HERC5: variants seen among roughly 807,000 people sequenced by gnomAD.
HERC5 encodes the protein E3 ISG15--protein ligase HERC5.
HERC5 carries 99 observed loss-of-function variants against 119.6 expected under a neutral mutation model. The ratio of observed to expected loss-of-function variants is 0.83; its 90% CI spans 0.70 to 0.98. The LOEUF (loss-of-function observed/expected upper bound fraction) is 0.98. HERC5 is among the 50% of genes least tolerant of loss of function. The probability of loss-of-function intolerance (pLI) is 0.00; values close to 1 mark genes in which losing one functional copy is unlikely to be tolerated. For missense variants in HERC5, 1,267 were observed against 1,241.3 expected (o/e 1.02, Z -0.31); for synonymous variants, 478 against 445.9 (o/e 1.07, Z -0.91).
rs150378907 is a variant in HERC5, at chr4:88,493,123, G to A, written c.2245G>A (p.Glu749Lys). Residue 749 changes from glutamate (E) to lysine (K), a missense_variant, in exon 17 of 23, where the codon GAA becomes AAA. Physicochemically the swap from Glu to Lys is moderately conservative, Grantham distance 56. Transcript: ENST00000264350. The part of the protein sequence containing the change: ...QPEYGMFMYP[E>K]GASCMWFPVK... Reference sequence around the variant, plus strand: ...GGAATATGGGATGTTCATGTATCCTGAAGGGGCTTCCTGCATGTGGTTTCC... The same window carrying A: ...GGAATATGGGATGTTCATGTATCCTAAAGGGGCTTCCTGCATGTGGTTTCC... 5 of 1,614,020 alleles carry A rather than the reference G, an allele frequency of 3.1e-6. No individual in the cohort carries two copies. The South Asian group carries it at 3.3e-5, about 11-fold the overall frequency.
intron 20 of HERC5, among the ~76,000 whole-genome samples, chr4:88,501,738 A>G (rs1017909934): frequency 3.3e-5 from 5 of 152,234 alleles, no homozygotes; most frequent in African/African-American, 1.2e-4. Flanking sequence ...ATCAAGAAAT[A>G]TAACATTTCC....
chr4:88,457,401 C>T lies in HERC5; in HGVS notation c.132C>T (p.Arg44=), dbSNP rs1315123530. 2.9e-6 allele frequency: 4 copies of T among 1,397,504 alleles called. No individual in the cohort carries two copies. The highest frequency in any genetic ancestry group is 3.7e-6 in the Non-Finnish European group (4 of 1,078,326). 86.6% of individuals were successfully genotyped at this position (1,397,504 alleles called of 1,614,324 possible). A position where few individuals can be genotyped will look rare whatever the true frequency, so the allele number is the denominator to read the frequency against. The change falls in exon 1 of 23, where the codon CGC becomes CGT. Residue 44 remains arginine, a synonymous_variant. Coordinates refer to ENST00000264350, the MANE Select transcript of HERC5 (RefSeq NM_016323.4). Reference sequence around the variant, plus strand: ...TTCCCAGCGCCGCGGGCCTCCACCGCGCGCTGCTCCGGAGGGTGGAGGTGA... The same window carrying T: ...TTCCCAGCGCCGCGGGCCTCCACCGTGCGCTGCTCCGGAGGGTGGAGGTGA... ...WLFPSAAGLH[R]ALLRRVEVTR... is the part of the protein sequence containing the mutation.
At chr4:88,488,812 T>C (rs1460417793) in intron 15 of HERC5, among the ~76,000 whole-genome samples, 1 of 152,182 alleles carries the variant, frequency 6.6e-6, no homozygotes, top group Non-Finnish European at 1.5e-5. Context: ...TGCAGTGCAC[T>C]GTTTCAGTGG....
chr4:88,457,560 TGTGAGGGCTGTGAGGG>T (rs1298122422), intron 1 of HERC5, 26 bp downstream of exon 1: 1 of 1,246,436 alleles, frequency 8.0e-7, no homozygotes, highest in Admixed American at 4.2e-5. Context: ...GTGTGAGGGC[TGTGAGGGCTGTGAGGG>T]GTGAGGGCTG....
In HERC5 at chr4:88,457,213, C is replaced by T; in HGVS notation, c.-57C>T. On this transcript the variant is annotated 5_prime_UTR_variant, in exon 1 of 23. Coordinates refer to ENST00000264350, the MANE Select transcript of HERC5 (RefSeq NM_016323.4). ...GCCTGAGGCAGTGGGCGCGCTCAGTCCCGGGACCAGGCGTTCTCTCCTCTC... is the reference window on the plus strand; with the variant it reads ...GCCTGAGGCAGTGGGCGCGCTCAGTTCCGGGACCAGGCGTTCTCTCCTCTC... 7.9e-7 allele frequency: 1 copy of T among 1,265,752 alleles called. No individual in the cohort carries two copies. The highest frequency in any genetic ancestry group is 1.0e-6 in the Non-Finnish European group (1 of 1,003,652). 78.4% of individuals were successfully genotyped at this position (1,265,752 alleles called of 1,614,324 possible).
chr4:88,497,299 G>A lies in HERC5; in HGVS notation c.2445-2627G>A, dbSNP rs553604606. 2.6e-5 allele frequency among the ~76,000 whole-genome samples: 4 copies of A among 152,242 alleles called. No individual in the cohort carries two copies. The East Asian group carries it at 5.8e-4, about 22-fold the overall frequency. ...GTTCTGGCAAGGGCTCAGAAGAAGAGGAGACCTCTAGAGAAAGCCTTGGTC... is the reference window on the plus strand; with the variant it reads ...GTTCTGGCAAGGGCTCAGAAGAAGAAGAGACCTCTAGAGAAAGCCTTGGTC... On this transcript the variant is annotated intron_variant, in intron 18 of 22. Transcript: ENST00000264350.
chr4:88,500,092 AATAAATTAGTG>A, intron 19 of HERC5, 100 bp downstream of exon 19: 1 of 726,936 alleles, frequency 1.4e-6, no homozygotes, highest in Non-Finnish European at 2.3e-6. Context: ...AAAAAACCTG[AATAAATTAGTG>A]AAAAAGGTAT....
intron 16 of HERC5, among the ~76,000 whole-genome samples, chr4:88,489,691 G>A (rs1291717939): frequency 6.6e-6 from 1 of 152,074 alleles, no homozygotes; most frequent in Non-Finnish European, 1.5e-5. Context: ...GGAGAATTAA[G>A]GGGTTGTTTT....
chr4:88,501,297 G>A (rs1200302546), intron 20 of HERC5, among the ~76,000 whole-genome samples: 1 of 152,072 alleles, frequency 6.6e-6, no homozygotes, highest in Admixed American at 6.6e-5. Flanking sequence ...TACCTTTAGG[G>A]TTTATTTGCT....
rs561244479 is a variant in HERC5, at chr4:88,474,823, C to G, written c.1393-1018C>G. On this transcript the variant is annotated intron_variant, in intron 11 of 22. Coordinates refer to ENST00000264350, the MANE Select transcript of HERC5 (RefSeq NM_016323.4). ...AGAAACTATAATAAGGGTTAAATGA[C>G]CTAATTAATATATGTACATCACTTA... Among the ~76,000 whole-genome samples, 109 of 152,172 alleles carry G rather than the reference C, an allele frequency of 7.2e-4. 1 individual carries two copies. Among genetic ancestry groups the G allele is most frequent in the African/African-American group, 2.6e-3 (107 of 41,504 alleles).
At chr4:88,487,256 G>T in intron 15 of HERC5, 77 bp downstream of exon 15, 2 of 778,734 alleles carry the variant, frequency 2.6e-6, no homozygotes, top group Non-Finnish European at 4.2e-6. Flanking sequence ...TTTTGGGGGT[G>T]ATAAGAGAAC....
chr4:88,482,779 C>G (rs1741322606), intron 13 of HERC5, among the ~76,000 whole-genome samples: 1 of 152,066 alleles, frequency 6.6e-6, no homozygotes, highest in South Asian at 2.1e-4. Flanking sequence ...TACAGGCGTG[C>G]ACCACCATGC....
At chr4:88,497,716 CGT>C (rs1741838525) in intron 18 of HERC5, among the ~76,000 whole-genome samples, 1 of 152,112 alleles carries the variant, frequency 6.6e-6, no homozygotes, top group South Asian at 2.1e-4. Context: ...AGAATGCAAA[CGT>C]GTTTGGAAGA....
chr4:88,470,967 G>T (rs1236558294), intron 10 of HERC5, among the ~76,000 whole-genome samples: 3 of 150,202 alleles, frequency 2.0e-5, no homozygotes, highest in African/African-American at 7.4e-5. Context: ...CTGGTTCTTT[G>T]TTTTTTTCTT....
In HERC5 at chr4:88,505,747, A is replaced by G; in HGVS notation, c.2944A>G (p.Ser982Gly). 1.2e-6 allele frequency: 2 copies of G among 1,606,002 alleles called. No homozygotes were observed. The highest frequency in any genetic ancestry group is 1.7e-6 in the Non-Finnish European group (2 of 1,172,732). Residue 982 changes from serine (S) to glycine (G), a missense_variant, in exon 23 of 23, where the codon AGT becomes GGT. Coordinates refer to ENST00000264350, the MANE Select transcript of HERC5 (RefSeq NM_016323.4). ...NMKITFCCPESWNERDPIRAL... is the reference protein window; with the variant it reads ...NMKITFCCPEGWNERDPIRAL... ...GAAAATAACATTTTGCTGTCCTGAA[A>G]GTTGGAATGAAAGAGACCCTATAAG...
intron 18 of HERC5, among the ~76,000 whole-genome samples, chr4:88,497,365 T>C (rs1741828718): frequency 6.6e-6 from 1 of 152,118 alleles, no homozygotes; most frequent in Non-Finnish European, 1.5e-5. Flanking sequence ...AGAATGTTAG[T>C]AGAAACGTAG....
intron 16 of HERC5, among the ~76,000 whole-genome samples, chr4:88,489,566 C>A (rs1056668608): frequency 1.3e-5 from 2 of 152,126 alleles, no homozygotes; most frequent in African/African-American, 4.8e-5. Context: ...TCTCCCCACA[C>A]CCTGCTCAGG....
At chr4:88,461,909 G>A (rs1019528154) in intron 3 of HERC5, among the ~76,000 whole-genome samples, 2 of 152,034 alleles carry the variant, frequency 1.3e-5, no homozygotes, top group African/African-American at 4.8e-5. Context: ...TATTTAATAT[G>A]TTCAAATAGC....
intron 3 of HERC5, among the ~76,000 whole-genome samples, chr4:88,461,554 A>G (rs1740444632): frequency 6.6e-6 from 1 of 152,154 alleles, no homozygotes; most frequent in Non-Finnish European, 1.5e-5. Flanking sequence ...TCTCTGGTGT[A>G]TTTTTTTAGA....
Sources: gnomAD v4.1 joint callset for allele counts (sites outside exome capture counted in the v4.1 genomes callset) on GRCh38, gnomAD v4.1.1 for gene constraint, MANE v1.5 for transcripts, NCBI Gene and HGNC (gene_info 2026-07-23, HGNC 2026-07-21) for gene names.